Variants in DOCK3 observed in about 807,000 individuals in gnomAD.
DOCK3 encodes the protein dedicator of cytokinesis 3, also known as dedicator of cytokinesis protein 3.
DOCK3 carries 60 observed loss-of-function variants against 265.6 expected under a neutral mutation model. That is an observed-to-expected ratio of 0.23 (90% CI 0.18 to 0.28). The LOEUF is 0.28. DOCK3 is among the 10% of genes least tolerant of loss of function. The pLI, the probability that DOCK3 is intolerant of heterozygous loss-of-function variation, is 1.00. For missense variants in DOCK3, 1,981 were observed against 2,594.3 expected (o/e 0.76, Z 5.14); for synonymous variants, 881 against 938.0 (o/e 0.94, Z 1.11).
intron 27 of DOCK3, among the ~76,000 whole-genome samples, chr3:51,301,283 C>T (rs1156499774): frequency 6.6e-6 from 1 of 151,532 alleles, no homozygotes; most frequent in Non-Finnish European, 1.5e-5. Context: ...CTATTTGATT[C>T]TTCTCTCTTT....
Position 51,321,846 on chromosome 3 carries a change from C to T in DOCK3, c.3402+6718C>T, listed in dbSNP as rs9810160. On this transcript the variant is annotated intron_variant, in intron 32 of 52. Transcript: ENST00000266037. ...GGACTCTGTGAAAAGACCAAATATACGTTTGATTGGCGTACCTGAAAGTGA... is the reference window on the plus strand; with the variant it reads ...GGACTCTGTGAAAAGACCAAATATATGTTTGATTGGCGTACCTGAAAGTGA... Among the ~76,000 whole-genome samples, 421 of 152,204 alleles carry T rather than the reference C, an allele frequency of 2.8e-3. 2 individuals are homozygous for T. The highest frequency in any genetic ancestry group is 9.6e-3 in the African/African-American group (397 of 41,544).
intron 19 of DOCK3, among the ~76,000 whole-genome samples, chr3:51,231,335 G>A (rs1484028722): frequency 6.6e-6 from 1 of 151,560 alleles, no homozygotes; most frequent in Non-Finnish European, 1.5e-5. Flanking sequence ...TGCCATGTTG[G>A]CCAGGCTGGT....
At chr3:51,249,085 C>A (rs867423811) in intron 22 of DOCK3, among the ~76,000 whole-genome samples, 1 of 151,198 alleles carries the variant, frequency 6.6e-6, no homozygotes, top group Non-Finnish European at 1.5e-5. Context: ...GCAGCCACCC[C>A]GTCCGGGAGG....
In DOCK3 at chr3:51,346,163, T is replaced by C. The variant is rs13326339; in HGVS notation, c.3916-2689T>C. ...GGTATATATATTTTTAATTATACTT[T>C]AAGTTCTAGGGTACATGTGCACAAT... On this transcript the variant is annotated intron_variant, in intron 38 of 52. Transcript: ENST00000266037. 2.9e-3 allele frequency among the ~76,000 whole-genome samples: 439 copies of C among 152,336 alleles called. 1 individual carries two copies. The highest frequency in any genetic ancestry group is 0.01 in the African/African-American group (418 of 41,566).
intron 9 of DOCK3, among the ~76,000 whole-genome samples, chr3:51,136,405 A>AT (rs988121256): frequency 2.0e-5 from 3 of 150,852 alleles, no homozygotes; most frequent in African/African-American, 7.3e-5. Flanking sequence ...TTTTTTTTGT[A>AT]TTTTTTGTAT....
At chr3:50,929,420 C>G (rs936588513) in intron 4 of DOCK3, among the ~76,000 whole-genome samples, 15 of 152,210 alleles carry the variant, frequency 9.9e-5, no homozygotes, top group Non-Finnish European at 2.9e-5. Flanking sequence ...TTGCTAAAAA[C>G]CATAGTCCCA....
chr3:51,126,137 C>T (rs1478434328), intron 9 of DOCK3, among the ~76,000 whole-genome samples: 1 of 152,192 alleles, frequency 6.6e-6, no homozygotes, highest in East Asian at 1.9e-4. Context: ...GTCTTTTGTA[C>T]ACTTGATGAA....
chr3:50,759,831 C>T (rs1294388212), intron 1 of DOCK3, among the ~76,000 whole-genome samples: 1 of 145,240 alleles, frequency 6.9e-6, no homozygotes, highest in African/African-American at 2.5e-5. Context: ...GCACTCCAGC[C>T]TGGGTGACCG....
At chr3:50,731,604 T>G (rs75253965) in intron 1 of DOCK3, among the ~76,000 whole-genome samples, 5 of 3,844 alleles carry the variant, frequency 1.3e-3, no homozygotes, top group African/African-American at 2.4e-3. Context: ...ATTAACAAAA[T>G]AAAAGAGAAG....
At chr3:51,295,336 G>A (rs185915582) in intron 27 of DOCK3, among the ~76,000 whole-genome samples, 11 of 152,324 alleles carry the variant, frequency 7.2e-5, no homozygotes, top group African/African-American at 2.4e-4. Flanking sequence ...AAGGTGCCAG[G>A]CTCTGTTTAA....
intron 10 of DOCK3, among the ~76,000 whole-genome samples, chr3:51,150,243 C>G (rs2085513529): frequency 6.6e-6 from 1 of 151,816 alleles, no homozygotes; most frequent in African/African-American, 2.4e-5. Context: ...CTTTATTAGT[C>G]TTGCTAGCGG....
At chr3:51,312,729 C>G in intron 30 of DOCK3, 115 bp from the exon 31 acceptor site, 1 of 1,274,616 alleles carries the variant, frequency 7.8e-7, no homozygotes, top group Non-Finnish European at 1.1e-6. Context: ...AAAGGCTTAG[C>G]GCATTGGGAA....
intron 5 of DOCK3, among the ~76,000 whole-genome samples, chr3:50,961,175 T>A (rs2108388347): frequency 6.6e-6 from 1 of 152,340 alleles, no homozygotes; most frequent in Non-Finnish European, 1.5e-5. Context: ...TTTTCCATAT[T>A]GCTTTGGCTA....
At chr3:51,062,826 C>T (rs1415934089) in intron 5 of DOCK3, among the ~76,000 whole-genome samples, 2 of 152,140 alleles carry the variant, frequency 1.3e-5, no homozygotes, top group East Asian at 1.9e-4. Context: ...CAATATGAAA[C>T]GTATGTGTTG....
At chr3:51,266,657 A>G (rs984542326) in intron 23 of DOCK3, among the ~76,000 whole-genome samples, 2 of 152,182 alleles carry the variant, frequency 1.3e-5, no homozygotes, top group African/African-American at 4.8e-5. Context: ...CCTTCCTTAC[A>G]CCTTATACAA....
At chr3:51,232,097 C>T (rs886428948) in intron 19 of DOCK3, among the ~76,000 whole-genome samples, 1 of 152,150 alleles carries the variant, frequency 6.6e-6, no homozygotes, top group South Asian at 2.1e-4. Context: ...GCTATCTCAG[C>T]ACCATTCATT....
At chr3:51,032,193 C>T (rs1166462823) in intron 5 of DOCK3, among the ~76,000 whole-genome samples, 4 of 150,840 alleles carry the variant, frequency 2.7e-5, no homozygotes, top group Non-Finnish European at 5.9e-5. Context: ...TTTCTCACTT[C>T]AGTGATTTTT....
At chr3:50,716,561 T>C (rs2037126277) in intron 1 of DOCK3, among the ~76,000 whole-genome samples, 1 of 150,996 alleles carries the variant, frequency 6.6e-6, no homozygotes, top group Admixed American at 6.6e-5. Flanking sequence ...AATAATAAAA[T>C]TAAAAAAAAT....
intron 33 of DOCK3, among the ~76,000 whole-genome samples, chr3:51,332,598 G>C (rs539620050): frequency 6.6e-6 from 1 of 152,324 alleles, no homozygotes; most frequent in East Asian, 1.9e-4. Flanking sequence ...CAAGCACTTT[G>C]GGAGGTCGAG....
Sources: gnomAD v4.1 joint callset for allele counts (sites outside exome capture counted in the v4.1 genomes callset) on GRCh38, gnomAD v4.1.1 for gene constraint, MANE v1.5 for transcripts, NCBI Gene and HGNC (gene_info 2026-07-23, HGNC 2026-07-21) for gene names.